The following LRRC4C variants were observed in gnomAD, a reference collection of about 807,000 sequenced individuals.
LRRC4C encodes the protein leucine-rich repeat-containing protein 4C.
In LRRC4C, 5 loss-of-function variants were observed where a neutral mutation model predicts 33.6. That is an observed-to-expected ratio of 0.15 (90% CI 0.08 to 0.31). The LOEUF (loss-of-function observed/expected upper bound fraction) is 0.31, where lower values mean the gene tolerates loss of function less well. LRRC4C is among the 10% of genes least tolerant of loss of function. LRRC4C has a pLI of 1.00. For synonymous variants in LRRC4C, 329 were observed against 302.0 expected, an observed-to-expected ratio of 1.09 and a Z score of -0.93; for missense variants, 560 against 796.7, an observed-to-expected ratio of 0.70 and a Z score of 3.58.
chr11:41,198,509 T>C (rs1459848251), intron 1 of LRRC4C, among the ~76,000 whole-genome samples: 1 of 151,920 alleles, frequency 6.6e-6, no homozygotes, highest in East Asian at 1.9e-4. Flanking sequence ...TGAGGAGGGA[T>C]GTAAGCATTT....
intron 3 of LRRC4C, among the ~76,000 whole-genome samples, chr11:40,480,069 T>C (rs995345883): frequency 2.0e-5 from 3 of 152,132 alleles, no homozygotes; most frequent in Non-Finnish European, 4.4e-5. Flanking sequence ...GGACAAGCAC[T>C]AAAGCAAACT....
chr11:41,307,438 C>T (rs1278309126), intron 1 of LRRC4C, among the ~76,000 whole-genome samples: 1 of 152,118 alleles, frequency 6.6e-6, no homozygotes, highest in African/African-American at 2.4e-5. Flanking sequence ...TGAAGCAAGT[C>T]ATTAAAGAGG....
chr11:40,908,872 A>G (rs1366153141), intron 2 of LRRC4C, among the ~76,000 whole-genome samples: 1 of 152,186 alleles, frequency 6.6e-6, no homozygotes, highest in Non-Finnish European at 1.5e-5. Context: ...ATTCAATTCA[A>G]CAAACATTTA....
intron 2 of LRRC4C, among the ~76,000 whole-genome samples, chr11:40,692,735 G>GTTGA (rs1342469398): frequency 1.3e-5 from 2 of 151,906 alleles, no homozygotes; most frequent in Non-Finnish European, 2.9e-5. Flanking sequence ...TTCCTTCTTT[G>GTTGA]TTGATTGTTG....
intron 2 of LRRC4C, among the ~76,000 whole-genome samples, chr11:40,849,362 C>T (rs1337247762): frequency 2.6e-5 from 4 of 152,118 alleles, no homozygotes; most frequent in Non-Finnish European, 4.4e-5. Context: ...TCAGCATTTG[C>T]TTTTCTGTAA....
intron 3 of LRRC4C, among the ~76,000 whole-genome samples, chr11:40,592,032 C>CATGATGTA (rs200146759): frequency 0.029 from 4,406 of 152,346 alleles, 218 homozygotes; most frequent in African/African-American, 0.1. Context: ...AATCACTATT[C>CATGATGTA]ACTCAAATAG....
chr11:40,810,882 T>A (rs895163489), intron 2 of LRRC4C, among the ~76,000 whole-genome samples: 2 of 152,144 alleles, frequency 1.3e-5, no homozygotes, highest in African/African-American at 4.8e-5. Context: ...TCCAGAATAC[T>A]TTTTTCCAAA....
intron 1 of LRRC4C, among the ~76,000 whole-genome samples, chr11:41,096,453 C>A (rs1358408704): frequency 1.3e-5 from 2 of 152,148 alleles, no homozygotes; most frequent in Non-Finnish European, 2.9e-5. Context: ...ATCAGTCAGA[C>A]TTTAATCAGC....
intron 3 of LRRC4C, among the ~76,000 whole-genome samples, chr11:40,581,412 T>C (rs1482796416): frequency 6.6e-6 from 1 of 152,236 alleles, no homozygotes; most frequent in Non-Finnish European, 1.5e-5. Context: ...AGCTGAGTTG[T>C]CCCCCTCTAT....
intron 1 of LRRC4C, among the ~76,000 whole-genome samples, chr11:41,400,952 CT>C (rs143167952): frequency 0.082 from 12,458 of 151,256 alleles, 1,659 homozygotes; most frequent in African/African-American, 0.28. Flanking sequence ...GAAAATGCAA[CT>C]TTTTTTTTAT....
chr11:40,552,519 A>G (rs752286692), intron 3 of LRRC4C, among the ~76,000 whole-genome samples: 2 of 152,138 alleles, frequency 1.3e-5, no homozygotes, highest in African/African-American at 2.4e-5. Flanking sequence ...CTCTTTCAGA[A>G]CCCTACTCAA....
At chr11:40,335,959 C>T (rs1403275694) in intron 3 of LRRC4C, among the ~76,000 whole-genome samples, 2 of 152,124 alleles carry the variant, frequency 1.3e-5, no homozygotes, top group Non-Finnish European at 1.5e-5. Context: ...ACTAATAGCC[C>T]GTACCACATA....
chr11:40,695,286 C>T (rs1945438028), intron 2 of LRRC4C, among the ~76,000 whole-genome samples: 2 of 152,130 alleles, frequency 1.3e-5, no homozygotes, highest in Admixed American at 1.3e-4. Flanking sequence ...AGTTTGATCA[C>T]TTACTTTCAC....
chr11:40,697,891 A>C (rs1226356326), intron 2 of LRRC4C, among the ~76,000 whole-genome samples: 1 of 151,912 alleles, frequency 6.6e-6, no homozygotes, highest in Non-Finnish European at 1.5e-5. Flanking sequence ...AACACGGTGA[A>C]ACTCGTCTCT....
chr11:40,139,934 A>C (rs972993024), intron 6 of LRRC4C, among the ~76,000 whole-genome samples: 3 of 152,192 alleles, frequency 2.0e-5, no homozygotes, highest in African/African-American at 4.8e-5. Flanking sequence ...CTTGGGTATT[A>C]ATTTGGCTGC....
At chr11:40,745,625 T>A (rs1190555649) in intron 2 of LRRC4C, among the ~76,000 whole-genome samples, 1 of 152,176 alleles carries the variant, frequency 6.6e-6, no homozygotes, top group Non-Finnish European at 1.5e-5. Context: ...CTGAATATAT[T>A]TTTTGCTAAA....
At chr11:41,143,609 G>C (rs1351932617) in intron 1 of LRRC4C, among the ~76,000 whole-genome samples, 1 of 152,026 alleles carries the variant, frequency 6.6e-6, no homozygotes, top group African/African-American at 2.4e-5. Flanking sequence ...TCATCCAAAA[G>C]GAAACTCCAA....
chr11:41,328,272 C>G (rs1010741000), intron 1 of LRRC4C, among the ~76,000 whole-genome samples: 3 of 152,214 alleles, frequency 2.0e-5, no homozygotes, highest in Non-Finnish European at 4.4e-5. Flanking sequence ...TCAGTCCCTG[C>G]TGGAGGAGTG....
chr11:40,322,309 G>T (rs930467871), intron 3 of LRRC4C, among the ~76,000 whole-genome samples: 6 of 151,896 alleles, frequency 4.0e-5, no homozygotes, highest in South Asian at 2.1e-4. Flanking sequence ...GCAGTGGTGC[G>T]ATCTCAGCTC....
Sources: gnomAD v4.1 joint callset for allele counts (sites outside exome capture counted in the v4.1 genomes callset) on GRCh38, gnomAD v4.1.1 for gene constraint, MANE v1.5 for transcripts, NCBI Gene and HGNC (gene_info 2026-07-23, HGNC 2026-07-21) for gene names.